The following ANKRD44 variants were observed in gnomAD, a reference collection of about 807,000 sequenced individuals.
The protein encoded by ANKRD44 is serine/threonine-protein phosphatase 6 regulatory ankyrin repeat subunit B.
Under a neutral mutation model 116.0 loss-of-function variants are expected in ANKRD44, and 35 were observed. The ratio of observed to expected loss-of-function variants is 0.30; its 90% CI spans 0.23 to 0.40. The LOEUF is 0.40. Ranked by LOEUF, ANKRD44 falls within the 10% of genes least tolerant of loss-of-function variation. The pLI, the probability that ANKRD44 is intolerant of heterozygous loss-of-function variation, is 1.00. For missense variants in ANKRD44, 1,014 were observed against 1,242.6 expected (o/e 0.82, Z 2.77); for synonymous variants, 435 against 461.8 (o/e 0.94, Z 0.74).
intron 18 of ANKRD44, among the ~76,000 whole-genome samples, chr2:197,012,205 T>C (rs6730027): frequency 0.69 from 105,288 of 152,096 alleles, 40,715 homozygotes; most frequent in East Asian, 0.96. Flanking sequence ...AGGAGGAAAA[T>C]CCAAGCTGAC....
intron 1 of ANKRD44, among the ~76,000 whole-genome samples, chr2:197,245,965 T>G (rs1338104006): frequency 6.6e-6 from 1 of 152,186 alleles, no homozygotes; most frequent in African/African-American, 2.4e-5. Flanking sequence ...GAATAAGCAG[T>G]TGAACTCTAT....
chr2:197,045,322 T>C (rs568498443), intron 16 of ANKRD44, among the ~76,000 whole-genome samples: 3 of 152,298 alleles, frequency 2.0e-5, no homozygotes, highest in African/African-American at 7.2e-5. Context: ...CAGGTTGCCA[T>C]GGTCTCAACT....
rs114912059 is a variant in ANKRD44 at position 197,204,091 on chromosome 2, T to C, written c.28-16985A>G. ...TTAAAATGGTAAATATCATGTTAGG[T>C]GTATTTTGCCACAATAAAAAAAATT... On this transcript the variant is annotated intron_variant, in intron 1 of 27. Transcript: ENST00000282272. Among the ~76,000 whole-genome samples the C allele has an allele frequency of 2.6e-3, 394 of 152,318 alleles. 1 individual carries two copies. Among genetic ancestry groups the C allele is most frequent in the African/African-American group, 8.7e-3 (360 of 41,570 alleles).
Position 197,212,139 on chromosome 2 carries a change from C to A in ANKRD44, c.28-25033G>T, listed in dbSNP as rs538439354. 6.6e-6 allele frequency among the ~76,000 whole-genome samples: 1 copy of A among 152,056 alleles called. No individual in the cohort carries two copies. Among genetic ancestry groups the A allele is most frequent in the South Asian group, 2.1e-4 (1 of 4,822 alleles). On this transcript the variant is annotated intron_variant, in intron 1 of 27. Coordinates refer to ENST00000282272, the MANE Select transcript of ANKRD44 (RefSeq NM_001195144.2). This position sits in a 1 kb window ranked among gnomAD's most constrained non-coding sequence, Gnocchi z 4.8. The stretch of plus-strand genomic sequence containing the variant: ...CAGAGCTAGAGTTTTGGAACTGGAA[C>A]AAGGAGGGACTTTCTGGTGGATCAA...
intron 25 of ANKRD44, among the ~76,000 whole-genome samples, chr2:196,997,488 T>G (rs1293084204): frequency 6.6e-6 from 1 of 150,438 alleles, no homozygotes; most frequent in Non-Finnish European, 1.5e-5. Flanking sequence ...TCACTCTTGT[T>G]GTCCAGGCTG....
chr2:197,087,296 T>C (rs1574430029), intron 12 of ANKRD44, among the ~76,000 whole-genome samples: 1 of 152,224 alleles, frequency 6.6e-6, no homozygotes, highest in South Asian at 2.1e-4. Flanking sequence ...AGGCTGAAAA[T>C]GATGTCATGG....
At chr2:196,986,189 TG>T (rs1322693494), downstream of ANKRD44, among the ~76,000 whole-genome samples, 5 of 152,188 alleles carry the variant, frequency 3.3e-5, no homozygotes, top group Non-Finnish European at 5.9e-5. Context: ...TCACGTCTTT[TG>T]TCATAACCCA....
intron 10 of ANKRD44, among the ~76,000 whole-genome samples, chr2:197,095,240 C>T (rs1046691123): frequency 6.6e-6 from 1 of 152,192 alleles, no homozygotes; most frequent in Non-Finnish European, 1.5e-5. Flanking sequence ...CATACCTCTG[C>T]CTAATTTCAG....
intron 2 of ANKRD44, among the ~76,000 whole-genome samples, chr2:197,154,863 A>G (rs938711803): frequency 6.6e-6 from 1 of 152,174 alleles, no homozygotes; most frequent in Non-Finnish European, 1.5e-5. Context: ...ATTGTATTCA[A>G]CCATCACACT....
intron 21 of ANKRD44, among the ~76,000 whole-genome samples, chr2:196,976,699 C>A (rs867669764): frequency 1.3e-5 from 2 of 151,928 alleles, no homozygotes; most frequent in Non-Finnish European, 2.9e-5. Context: ...AACCCTATCG[C>A]CACAAAAAAA....
intron 1 of ANKRD44, among the ~76,000 whole-genome samples, chr2:197,305,924 C>T: frequency 6.8e-6 from 1 of 147,950 alleles, no homozygotes. Context: ...TTTTGGTTTG[C>T]TCATCTAGCT....
At chr2:197,235,040 C>T (rs892302976) in intron 1 of ANKRD44, among the ~76,000 whole-genome samples, 6 of 152,148 alleles carry the variant, frequency 3.9e-5, no homozygotes, top group African/African-American at 7.2e-5. Flanking sequence ...ACAGAGAGAA[C>T]GGGCCTTTAC....
At position 197,310,676 on chromosome 2, in the gene ANKRD44, C is replaced by T. The variant is rs1253408902; in HGVS notation, c.-72G>A. On this transcript the variant is annotated 5_prime_UTR_variant, in exon 1 of 28. Transcript: ENST00000282272. ...GATGTCACGCCGGGAGCCGGGGAAGCGGAAGGGATTGCCAGGAGAAGGGAA... is the reference window on the plus strand; with the variant it reads ...GATGTCACGCCGGGAGCCGGGGAAGTGGAAGGGATTGCCAGGAGAAGGGAA... The T allele has an allele frequency of 3.1e-6, 4 of 1,288,400 alleles. No homozygotes were observed. In the East Asian group the frequency reaches 1.3e-4, roughly 40 times the overall value. The allele number at this position is 1,288,400 out of a possible 1,614,324, so 79.8% of individuals were successfully genotyped here.
chr2:197,081,625 T>G lies in ANKRD44; in HGVS notation c.1538+20A>C. 6.2e-7 allele frequency: 1 copy of G among 1,608,858 alleles called. No individual in the cohort carries two copies. On this transcript the variant is annotated intron_variant, in intron 15 of 27. Coordinates refer to ENST00000282272, the MANE Select transcript of ANKRD44 (RefSeq NM_001195144.2). ...AGCGTCAGAAATGGCACCTTGTTCT[T>G]AAGCTGAGAAGAAACTTACAGTGTG... is the stretch of plus-strand genomic sequence containing the variant.
chr2:197,238,757 T>G (rs2082027632), intron 1 of ANKRD44, among the ~76,000 whole-genome samples: 1 of 151,932 alleles, frequency 6.6e-6, no homozygotes, highest in Non-Finnish European at 1.5e-5. Context: ...CAGGCTGAAG[T>G]GCAGTGGTAC....
chr2:197,307,134 A>G (rs2084096149), intron 1 of ANKRD44, among the ~76,000 whole-genome samples: 1 of 152,232 alleles, frequency 6.6e-6, no homozygotes, highest in Admixed American at 6.5e-5. Context: ...AATTTTCAAA[A>G]AGGTTTCATG....
intron 1 of ANKRD44, among the ~76,000 whole-genome samples, chr2:197,234,742 C>T (rs930421353): frequency 1.3e-5 from 2 of 152,128 alleles, no homozygotes; most frequent in Non-Finnish European, 2.9e-5. Context: ...AGTTAGGTTG[C>T]TAATAGACTC....
Position 197,083,372 on chromosome 2 carries a change from C to T in ANKRD44, c.1454G>A (p.Arg485Lys), listed in dbSNP as rs1180821139. The change falls in exon 14 of 28, where the codon AGA (arginine) becomes AAA (lysine). Residue 485 changes from arginine (R) to lysine (K), a missense_variant. Physicochemically the swap from Arg to Lys is conservative, Grantham distance 26. Transcript: ENST00000282272. ...GCATGAGCAAGGCTGTTTTTACTTT[C>T]TATCCATGTCTGATGCAGCGGCGTA... ...LHYAAASDMD[R>K]NKTILGNAHD... 3 of 1,611,548 alleles carry T rather than the reference C, an allele frequency of 1.9e-6. No individual in the cohort carries two copies. The highest frequency in any genetic ancestry group is 3.3e-5 in the Admixed American group (2 of 59,820).
At chr2:197,065,979 A>G (rs898371994) in intron 16 of ANKRD44, among the ~76,000 whole-genome samples, 3 of 152,214 alleles carry the variant, frequency 2.0e-5, no homozygotes, top group Non-Finnish European at 4.4e-5. Context: ...TGGCAGAGAC[A>G]CAACAAAAAA....
Sources: gnomAD v4.1 joint callset for allele counts (sites outside exome capture counted in the v4.1 genomes callset) on GRCh38, gnomAD v4.1.1 for gene constraint, Gnocchi (gnomAD v3.1) non-coding constraint, MANE v1.5 for transcripts, NCBI Gene and HGNC (gene_info 2026-07-23, HGNC 2026-07-21) for gene names.